KCNQ3: variants seen among roughly 807,000 people sequenced by gnomAD.
KCNQ3 encodes potassium voltage-gated channel subfamily KQT member 3.
In KCNQ3, 30 loss-of-function variants were observed where a neutral mutation model predicts 92.5. That is an observed-to-expected ratio of 0.32 (90% confidence interval 0.24 to 0.44). The LOEUF (loss-of-function observed/expected upper bound fraction) is 0.44, where lower values mean the gene tolerates loss of function less well. Ranked by LOEUF, KCNQ3 falls within the 20% of genes least tolerant of loss-of-function variation. KCNQ3 has a pLI of 1.00. For missense variants in KCNQ3, 913 were observed against 1,140.3 expected, an observed-to-expected ratio of 0.80 and a Z score of 2.87; for synonymous variants, 450 against 468.8, an observed-to-expected ratio of 0.96 and a Z score of 0.52.
chr8:132,336,850 G>A (rs1265031995), intron 1 of KCNQ3, among the ~76,000 whole-genome samples: 1 of 152,140 alleles, frequency 6.6e-6, no homozygotes, highest in Non-Finnish European at 1.5e-5. Flanking sequence ...ATAATTCACA[G>A]GCCCTCTTAT....
intron 1 of KCNQ3, among the ~76,000 whole-genome samples, chr8:132,291,996 C>T (rs930900200): frequency 2.6e-5 from 4 of 152,200 alleles, no homozygotes; most frequent in Non-Finnish European, 5.9e-5. Flanking sequence ...AAACAGCCCA[C>T]CCCACCTTTA....
chr8:132,443,220 C>T (rs1171992100), intron 1 of KCNQ3, among the ~76,000 whole-genome samples: 3 of 152,090 alleles, frequency 2.0e-5, no homozygotes, highest in African/African-American at 4.8e-5. Flanking sequence ...AGAAATCCAC[C>T]CCCACCTATG....
At chr8:132,357,718 C>T (rs1004063570) in intron 1 of KCNQ3, among the ~76,000 whole-genome samples, 1 of 152,190 alleles carries the variant, frequency 6.6e-6, no homozygotes, top group African/African-American at 2.4e-5. Flanking sequence ...TGTGATCTTC[C>T]TGAGACTGTC....
chr8:132,306,507 G>A (rs7010949), intron 1 of KCNQ3, among the ~76,000 whole-genome samples: 6 of 152,040 alleles, frequency 3.9e-5, no homozygotes, highest in Non-Finnish European at 8.8e-5. Context: ...GGTGCCACCC[G>A]GAAACCTCAA....
At chr8:132,240,952 G>A (rs920756481) in intron 1 of KCNQ3, among the ~76,000 whole-genome samples, 4 of 150,378 alleles carry the variant, frequency 2.7e-5, no homozygotes, top group Middle Eastern at 3.4e-3. Context: ...GCAGTGGCTC[G>A]AACTTGGCTC....
chr8:132,290,895 T>C (rs1816817855), intron 1 of KCNQ3, among the ~76,000 whole-genome samples: 1 of 152,160 alleles, frequency 6.6e-6, no homozygotes, highest in Non-Finnish European at 1.5e-5. Context: ...GGCACCGTGT[T>C]CTGTCTGGAA....
chr8:132,424,040 G>T (rs1306354407), intron 1 of KCNQ3, among the ~76,000 whole-genome samples: 2 of 152,140 alleles, frequency 1.3e-5, no homozygotes, highest in African/African-American at 4.8e-5. Flanking sequence ...GATCTCAAAT[G>T]AAAAGCTTGA....
chr8:132,467,544 G>A (rs1386781354), intron 1 of KCNQ3, among the ~76,000 whole-genome samples: 1 of 152,104 alleles, frequency 6.6e-6, no homozygotes, highest in African/African-American at 2.4e-5. Context: ...CTTAGCTCTG[G>A]GATTTCAGCA....
At position 132,128,906 on chromosome 8, in the gene KCNQ3, A is replaced by T; in HGVS notation, c.*356T>A. The T allele has an allele frequency of 3.9e-6, 1 of 253,944 alleles. No homozygotes were observed. The allele number at this position is 253,944 out of a possible 1,614,324, so 15.7% of individuals were successfully genotyped here. Reference sequence around the variant, plus strand: ...CTACTTTCTCTGCTTACCAAACCAAAACCCAAACCAGCCAACCAAACAGAC... The same window carrying T: ...CTACTTTCTCTGCTTACCAAACCAATACCCAAACCAGCCAACCAAACAGAC... On this transcript the variant is annotated 3_prime_UTR_variant, in exon 15 of 15. Transcript: ENST00000388996.
At chr8:132,455,289 T>C (rs557116415) in intron 1 of KCNQ3, among the ~76,000 whole-genome samples, 1 of 152,160 alleles carries the variant, frequency 6.6e-6, no homozygotes, top group Non-Finnish European at 1.5e-5. Flanking sequence ...GTATACTTAG[T>C]AGAGACAGGG....
intron 1 of KCNQ3, among the ~76,000 whole-genome samples, chr8:132,422,473 T>C (rs1587005364): frequency 6.6e-6 from 1 of 152,226 alleles, no homozygotes; most frequent in Non-Finnish European, 1.5e-5. Context: ...GGTGTGCCTC[T>C]GCAAACCCAC....
At chr8:132,419,730 C>T (rs1820915406) in intron 1 of KCNQ3, among the ~76,000 whole-genome samples, 1 of 152,144 alleles carries the variant, frequency 6.6e-6, no homozygotes, top group Non-Finnish European at 1.5e-5. Context: ...ATATTATTAG[C>T]CCATTTTAGA....
At chr8:132,141,009 G>T in intron 10 of KCNQ3, 120 bp downstream of exon 10, 1 of 907,230 alleles carries the variant, frequency 1.1e-6, no homozygotes, top group Non-Finnish European at 1.8e-6. Flanking sequence ...TCGAGGGAAG[G>T]GAGAGAGTTA....
intron 1 of KCNQ3, among the ~76,000 whole-genome samples, chr8:132,440,994 T>C (rs2130837290): frequency 6.6e-6 from 1 of 152,314 alleles, no homozygotes; most frequent in South Asian, 2.1e-4. Context: ...CACTTAACTC[T>C]CTATTCTTAT....
chr8:132,158,497 G>C (rs1825878166), intron 9 of KCNQ3, among the ~76,000 whole-genome samples: 1 of 152,134 alleles, frequency 6.6e-6, no homozygotes, highest in Non-Finnish European at 1.5e-5. Context: ...AGCTAGGTGG[G>C]CCAAGAAAGG....
At chr8:132,378,811 G>T (rs1819673781) in intron 1 of KCNQ3, among the ~76,000 whole-genome samples, 1 of 152,200 alleles carries the variant, frequency 6.6e-6, no homozygotes, top group Non-Finnish European at 1.5e-5. Context: ...AAGGGAGTCT[G>T]GTGGAAGCAG....
At chr8:132,185,617 G>A (rs1302896339) in intron 2 of KCNQ3, among the ~76,000 whole-genome samples, 1 of 152,232 alleles carries the variant, frequency 6.6e-6, no homozygotes. Context: ...GGAGGACAGA[G>A]AGTGAAAACA....
At chr8:132,440,551 G>C (rs1821510616) in intron 1 of KCNQ3, among the ~76,000 whole-genome samples, 1 of 152,186 alleles carries the variant, frequency 6.6e-6, no homozygotes, top group Non-Finnish European at 1.5e-5. Context: ...GCCCCATTGT[G>C]CAGCGTAGTT....
At chr8:132,430,846 C>T (rs995092709) in intron 1 of KCNQ3, among the ~76,000 whole-genome samples, 2 of 152,138 alleles carry the variant, frequency 1.3e-5, no homozygotes, top group Non-Finnish European at 2.9e-5. Context: ...CAACACCTTC[C>T]AACATGTTTG....
Sources: gnomAD v4.1 joint callset for allele counts (sites outside exome capture counted in the v4.1 genomes callset) on GRCh38, gnomAD v4.1.1 for gene constraint, MANE v1.5 for transcripts, NCBI Gene and HGNC (gene_info 2026-07-23, HGNC 2026-07-21) for gene names.